PPP1R9A: variants seen among roughly 807,000 people sequenced by gnomAD.
The protein encoded by PPP1R9A is protein phosphatase 1 regulatory subunit 9A, also known as neurabin-1.
Under a neutral mutation model 141.9 loss-of-function variants are expected in PPP1R9A, and 59 were observed. That is an observed-to-expected ratio of 0.42 (90% CI 0.34 to 0.52). PPP1R9A has a LOEUF of 0.52. PPP1R9A is among the 20% of genes least tolerant of loss of function. PPP1R9A has a pLI of 0.10. For missense variants in PPP1R9A, 1,444 were observed against 1,611.9 expected, an observed-to-expected ratio of 0.90 and a Z score of 1.78; for synonymous variants, 500 against 569.7, an observed-to-expected ratio of 0.88 and a Z score of 1.74.
intron 8 of PPP1R9A, among the ~76,000 whole-genome samples, chr7:95,236,843 G>A (rs1302958021): frequency 6.6e-6 from 1 of 151,104 alleles, no homozygotes. Context: ...TTAACTACAT[G>A]TCACAATTTT....
intron 12 of PPP1R9A, among the ~76,000 whole-genome samples, chr7:95,256,460 G>A (rs1163892588): frequency 6.6e-6 from 1 of 152,022 alleles, no homozygotes; most frequent in Non-Finnish European, 1.5e-5. Context: ...AAAATATGGA[G>A]GAACTTCCAT....
intron 4 of PPP1R9A, among the ~76,000 whole-genome samples, chr7:95,140,920 A>G (rs917593439): frequency 2.0e-5 from 3 of 152,116 alleles, no homozygotes; most frequent in Non-Finnish European, 4.4e-5. Flanking sequence ...GGGCTTCGCC[A>G]TGTTGCCCAG....
intron 5 of PPP1R9A, among the ~76,000 whole-genome samples, chr7:95,182,674 A>G (rs1276596563): frequency 1.3e-5 from 2 of 152,166 alleles, no homozygotes; most frequent in Non-Finnish European, 1.5e-5. Flanking sequence ...ATCATCCACC[A>G]TTGTGGATTT....
Position 94,909,947 on chromosome 7 carries a change from T to C in PPP1R9A, c.-167T>C. ...AAAATCATTCTGTGTAACTCTTGAC[T>C]GTGACTAAGTTCCTAATACACCTGT... is the stretch of plus-strand genomic sequence containing the variant. On this transcript the variant is annotated 5_prime_UTR_variant, in exon 2 of 20. Transcript: ENST00000433360. The C allele has an allele frequency of 3.6e-6, 2 of 554,700 alleles. No individual in the cohort carries two copies. Among genetic ancestry groups the C allele is most frequent in the South Asian group, 3.3e-5 (1 of 30,082 alleles). The allele number at this position is 554,700 out of a possible 1,614,324, so 34.4% of individuals were successfully genotyped here.
intron 2 of PPP1R9A, among the ~76,000 whole-genome samples, chr7:94,969,570 A>G (rs1798628553): frequency 6.6e-6 from 1 of 151,968 alleles, no homozygotes; most frequent in South Asian, 2.1e-4. Flanking sequence ...CTCCTGTATG[A>G]GGTATCTGTC....
chr7:94,999,918 C>T lies in PPP1R9A; in HGVS notation c.1395+88410C>T, dbSNP rs201838103. ...CCGGGTTCAAGCGATTCTTGTGCCTCAGCCTTCTGAGTAGATGGGATTACA... is the reference window on the plus strand; with the variant it reads ...CCGGGTTCAAGCGATTCTTGTGCCTTAGCCTTCTGAGTAGATGGGATTACA... On this transcript the variant is annotated intron_variant, in intron 2 of 19. Transcript: ENST00000433360. 9.9e-5 allele frequency among the ~76,000 whole-genome samples: 15 copies of T among 152,054 alleles called. No individual in the cohort carries two copies. In the East Asian group the frequency reaches 2.5e-3, roughly 25 times the overall value.
chr7:95,257,514 CT>C (rs373232800), intron 12 of PPP1R9A, among the ~76,000 whole-genome samples: 22,353 of 147,052 alleles, frequency 0.15, 1,861 homozygotes, highest in Admixed American at 0.22. Flanking sequence ...CATATGATTT[CT>C]TTTTTTTTTT....
intron 2 of PPP1R9A, among the ~76,000 whole-genome samples, chr7:95,072,982 A>C (rs1003860016): frequency 7.6e-6 from 1 of 131,726 alleles, no homozygotes; most frequent in African/African-American, 2.9e-5. Context: ...TATAATAATA[A>C]TATTATTATT....
At chr7:95,157,250 TC>T (rs1288136292) in intron 4 of PPP1R9A, among the ~76,000 whole-genome samples, 2 of 151,574 alleles carry the variant, frequency 1.3e-5, no homozygotes, top group Non-Finnish European at 2.9e-5. Context: ...CCTTCTCAGC[TC>T]CCCCTCTCCC....
intron 2 of PPP1R9A, among the ~76,000 whole-genome samples, chr7:95,109,831 T>C (rs1820231089): frequency 6.7e-6 from 1 of 149,262 alleles, no homozygotes; most frequent in South Asian, 2.1e-4. Context: ...AGCAAGACCC[T>C]ATCTCAATGA....
At chr7:95,175,644 G>A (rs1206211797) in intron 5 of PPP1R9A, among the ~76,000 whole-genome samples, 3 of 152,012 alleles carry the variant, frequency 2.0e-5, no homozygotes, top group African/African-American at 7.2e-5. Context: ...ATAAGACAGA[G>A]ATTTTGTTTC....
At chr7:95,257,029 A>G (rs1249967559) in intron 12 of PPP1R9A, among the ~76,000 whole-genome samples, 1 of 152,172 alleles carries the variant, frequency 6.6e-6, no homozygotes, top group Non-Finnish European at 1.5e-5. Context: ...TAGAATTCAA[A>G]CAAGGCTTTT....
At chr7:95,145,340 C>A (rs533618167) in intron 4 of PPP1R9A, among the ~76,000 whole-genome samples, 1 of 152,120 alleles carries the variant, frequency 6.6e-6, no homozygotes, top group East Asian at 1.9e-4. Flanking sequence ...TGGTGAAGAC[C>A]AAACTATATT....
intron 2 of PPP1R9A, among the ~76,000 whole-genome samples, chr7:94,916,988 T>A (rs150477099): frequency 6.6e-6 from 1 of 152,268 alleles, no homozygotes; most frequent in East Asian, 1.9e-4. Context: ...CTAATTTTTA[T>A]ATTTTTAGTA....
chr7:95,123,454 G>A (rs765644724), intron 4 of PPP1R9A, among the ~76,000 whole-genome samples: 1 of 152,170 alleles, frequency 6.6e-6, no homozygotes, highest in African/African-American at 2.4e-5. Flanking sequence ...TTCGAGACCA[G>A]CCTGGCCAAC....
intron 2 of PPP1R9A, among the ~76,000 whole-genome samples, chr7:94,989,772 T>G (rs1176200767): frequency 6.6e-6 from 1 of 152,120 alleles, no homozygotes; most frequent in Non-Finnish European, 1.5e-5. Flanking sequence ...CTTATACAAC[T>G]TATTTCTTAT....
At chr7:95,191,414 TATC>T (rs1402202336) in intron 5 of PPP1R9A, among the ~76,000 whole-genome samples, 4 of 152,310 alleles carry the variant, frequency 2.6e-5, no homozygotes, top group Middle Eastern at 6.8e-3. Context: ...ATAGTGATCA[TATC>T]ATGGTAATTA....
At chr7:94,947,753 T>C (rs981103538) in intron 2 of PPP1R9A, among the ~76,000 whole-genome samples, 5 of 152,066 alleles carry the variant, frequency 3.3e-5, no homozygotes. Flanking sequence ...GTATATATGA[T>C]AGTGACTTAG....
rs1791405236 is a variant in PPP1R9A at position 94,911,134 on chromosome 7, A to G, written c.1021A>G (p.Ser341Gly). Residue 341 changes from serine to glycine, a missense_variant, in exon 2 of 20, where the codon AGC becomes GGC. Physicochemically the swap from Ser to Gly is moderately conservative, Grantham distance 56 (BLOSUM62 0). Transcript: ENST00000433360. ...AAAGTCCGAAATCCCTTCACCACAA[A>G]GCCAACTGTTAGAAGATGCTGAAGC... ...MPKSEIPSPQ[S>G]QLLEDAEANL... 5 of 1,614,078 alleles carry G rather than the reference A, an allele frequency of 3.1e-6. No homozygotes were observed. The highest frequency in any genetic ancestry group is 4.2e-6 in the Non-Finnish European group (5 of 1,180,028).
Sources: allele counts gnomAD v4.1 joint callset (sites outside exome capture counted in the v4.1 genomes callset), GRCh38; gene constraint gnomAD v4.1.1; transcripts MANE v1.5; gene names NCBI Gene and HGNC (gene_info 2026-07-23, HGNC 2026-07-21).